Variants in ALAS1 observed in about 807,000 individuals in gnomAD.
The protein encoded by ALAS1 is 5'-aminolevulinate synthase 1.
Under a neutral mutation model 59.6 loss-of-function variants are expected in ALAS1, and 29 were observed. That is an observed-to-expected ratio of 0.49 (90% confidence interval 0.36 to 0.66). The LOEUF (loss-of-function observed/expected upper bound fraction) is 0.66, where lower values mean the gene tolerates loss of function less well. Among genes scored for constraint, ALAS1 ranks in the 30% least tolerant of loss-of-function variants. The pLI, the probability that ALAS1 is intolerant of heterozygous loss-of-function variation, is 0.00. For synonymous variants in ALAS1, 299 were observed against 296.6 expected, an observed-to-expected ratio of 1.01 and a Z score of -0.08; for missense variants, 690 against 807.5, an observed-to-expected ratio of 0.85 and a Z score of 1.76.
intron 6 of ALAS1, 52 bp from the exon 7 acceptor site, chr3:52,205,787 G>A: frequency 2.0e-6 from 3 of 1,528,926 alleles, no homozygotes; most frequent in South Asian, 1.2e-5. Context: ...AATTCACATG[G>A]TGTTGAGAAC....
At chr3:52,213,897 CTTG>C (rs1243653728) in intron 11 of ALAS1, 120 bp from the exon 12 acceptor site, 1 of 887,352 alleles carries the variant, frequency 1.1e-6, no homozygotes, top group Admixed American at 2.8e-5. Context: ...GGTTGTTTCT[CTTG>C]TTAACTATTA....
chr3:52,202,593 C>G lies in ALAS1; in HGVS notation c.286C>G (p.Pro96Ala). ...PDGTQLPSGH[P>A]LPATSQGTAS... ...TGGCACACAGCTTCCGTCTGGACAC[C>G]CCTTGCCTGCCACAAGCCAGGGCAC... Residue 96 changes from proline to alanine, a missense_variant, in exon 4 of 12, where the codon CCC becomes GCC. Physicochemically the swap from Pro to Ala is conservative, Grantham distance 27. Transcript: ENST00000484952. 1 of 1,614,144 alleles carries G rather than the reference C, an allele frequency of 6.2e-7. No individual in the cohort carries two copies. The highest frequency in any genetic ancestry group is 1.6e-4 in the Middle Eastern group (1 of 6,062).
In ALAS1 at chr3:52,198,700, C is replaced by G. The variant is rs1699122324; in HGVS notation, c.-181C>G. ...TGCCCAGTTCTTCCCGCTGTGGGGA[C>G]ACGACCACGGAGGAATCCTTGCTTC... On this transcript the variant is annotated 5_prime_UTR_variant, in exon 2 of 12. Coordinates refer to ENST00000484952, the MANE Select transcript of ALAS1 (RefSeq NM_000688.6). 9.2e-7 allele frequency: 1 copy of G among 1,087,426 alleles called. No individual in the cohort carries two copies. The highest frequency in any genetic ancestry group is 1.3e-6 in the Non-Finnish European group (1 of 742,750). The allele number at this position is 1,087,426 out of a possible 1,614,324, so 67.4% of individuals were successfully genotyped here.
intron 10 of ALAS1, 116 bp downstream of exon 10, chr3:52,211,667 G>C: frequency 6.9e-7 from 1 of 1,441,192 alleles, no homozygotes; most frequent in South Asian, 1.3e-5. Context: ...TGCCAGGGCA[G>C]GGGTTGTAGC....
chr3:52,213,544 A>C (rs1414115268), intron 11 of ALAS1, among the ~76,000 whole-genome samples: 1 of 152,230 alleles, frequency 6.6e-6, no homozygotes, highest in Non-Finnish European at 1.5e-5. Context: ...TATGATTTTT[A>C]AGTACACTCC....
chr3:52,208,357 C>G, intron 9 of ALAS1, 110 bp downstream of exon 9: 2 of 1,221,680 alleles, frequency 1.6e-6, no homozygotes, highest in Middle Eastern at 2.1e-4. Flanking sequence ...GCATATGAAG[C>G]CTGGGCCACT....
intron 9 of ALAS1, among the ~76,000 whole-genome samples, chr3:52,210,379 G>A (rs1246160354): frequency 6.6e-6 from 1 of 152,216 alleles, no homozygotes; most frequent in African/African-American, 2.4e-5. Context: ...GAGGTGTCAG[G>A]TCTGATTGGA....
Position 52,204,926 on chromosome 3 carries a change from C to A in ALAS1, c.800+11C>A. The A allele has an allele frequency of 3.1e-6, 5 of 1,606,256 alleles. No individual in the cohort carries two copies. Among genetic ancestry groups the A allele is most frequent in the Non-Finnish European group, 4.3e-6 (5 of 1,173,418 alleles). The stretch of plus-strand genomic sequence containing the variant: ...GTGTGGGGCAGTTATGTAAGTAGCC[C>A]TTGGCTTTCAAATATTACTGTTGTT... On this transcript the variant is annotated intron_variant, in intron 6 of 11. Coordinates refer to ENST00000484952, the MANE Select transcript of ALAS1 (RefSeq NM_000688.6).
rs144889433 is a variant in ALAS1 at position 52,203,074 on chromosome 3, C to T, written c.427+340C>T. 1.4e-3 allele frequency among the ~76,000 whole-genome samples: 208 copies of T among 152,280 alleles called. 2 individuals carry two copies. Among genetic ancestry groups the T allele is most frequent in the African/African-American group, 4.6e-3 (190 of 41,552 alleles). ...AAGATAGAAAATAATGGTTTTACTGCAGTAAGTGCTGGTCCTAGGGCTCCC... is the reference window on the plus strand; with the variant it reads ...AAGATAGAAAATAATGGTTTTACTGTAGTAAGTGCTGGTCCTAGGGCTCCC... On this transcript the variant is annotated intron_variant, in intron 4 of 11. Transcript: ENST00000484952.
In ALAS1 at chr3:52,204,742, G is replaced by T. The variant is rs753607025; in HGVS notation, c.627G>T (p.Glu209Asp). 1 of 1,614,138 alleles carries T rather than the reference G, an allele frequency of 6.2e-7. No individual in the cohort carries two copies. Among genetic ancestry groups the T allele is most frequent in the Admixed American group, 1.7e-5 (1 of 60,010 alleles). The change falls in exon 6 of 12, where the codon GAG (glutamate) becomes GAT (aspartate). Residue 209 changes from glutamate (E) to aspartate (D), a missense_variant. Coordinates refer to ENST00000484952, the MANE Select transcript of ALAS1 (RefSeq NM_000688.6). ...GTTTCTTTGAGAAAAAAATTGATGA[G>T]AAAAAGAATGACCACACCTATCGAG... Reference protein sequence around the residue: ...YDRFFEKKIDEKKNDHTYRVF... With the variant: ...YDRFFEKKIDDKKNDHTYRVF...
At position 52,199,462 on chromosome 3, in the gene ALAS1, G is replaced by A. The variant is rs774202996; in HGVS notation, c.199+22G>A. 4 of 1,607,478 alleles carry A rather than the reference G, an allele frequency of 2.5e-6. No homozygotes were observed. In the South Asian group the frequency reaches 4.4e-5, roughly 18 times the overall value. ...GAGAGTAAGTGTCATTGACAATGAA[G>A]GAGCAGGTATGGGTGTTTGTGCTCA... On this transcript the variant is annotated intron_variant, in intron 3 of 11. Coordinates refer to ENST00000484952, the MANE Select transcript of ALAS1 (RefSeq NM_000688.6).
intron 4 of ALAS1, 56 bp downstream of exon 4, chr3:52,202,790 TG>T: frequency 6.5e-7 from 1 of 1,534,688 alleles, no homozygotes; most frequent in Non-Finnish European, 8.9e-7. Context: ...TTAGTTCTTT[TG>T]GGCCCTCAGA....
chr3:52,207,027 G>A (rs866766781), intron 8 of ALAS1, among the ~76,000 whole-genome samples: 5 of 139,324 alleles, frequency 3.6e-5, no homozygotes, highest in Admixed American at 7.1e-5. Context: ...TTTTTGAGAC[G>A]GAGTCTCCCT....
At chr3:52,206,294 T>A (rs1218543148) in intron 7 of ALAS1, among the ~76,000 whole-genome samples, 1 of 152,196 alleles carries the variant, frequency 6.6e-6, no homozygotes, top group Non-Finnish European at 1.5e-5. Flanking sequence ...TTTGGAGAAG[T>A]CTCTTAATCA....
chr3:52,204,115 A>C (rs1164414342), intron 5 of ALAS1, 103 bp downstream of exon 5: 26 of 1,206,134 alleles, frequency 2.2e-5, no homozygotes, highest in Non-Finnish European at 2.9e-5. Context: ...ACAGTAGCTC[A>C]TACCTGTAAT....
At chr3:52,199,153 G>T in intron 2 of ALAS1, 57 bp from the exon 3 acceptor site, 1 of 1,550,644 alleles carries the variant, frequency 6.4e-7, no homozygotes, top group East Asian at 2.3e-5. Flanking sequence ...TGAATCCAGT[G>T]AGCTTGCAGT....
At position 52,199,307 on chromosome 3, in the gene ALAS1, A is replaced by C. The variant is rs1162210013; in HGVS notation, c.66A>C (p.Ala22=). Residue 22 remains alanine (A), a synonymous_variant, in exon 3 of 12, where the codon GCA becomes GCC. Coordinates refer to ENST00000484952, the MANE Select transcript of ALAS1 (RefSeq NM_000688.6). Reference sequence around the variant, plus strand: ...TCCCCCAGGCCTTTCTGCAGAAAGCAGGCAAATCTCTGTTGTTCTATGCCC... The same window carrying C: ...TCCCCCAGGCCTTTCTGCAGAAAGCCGGCAAATCTCTGTTGTTCTATGCCC... ...SRVPQAFLQK[A]GKSLLFYAQN... is the part of the protein sequence containing the mutation. The C allele has an allele frequency of 1.2e-6, 2 of 1,614,108 alleles. No individual in the cohort carries two copies. The highest frequency in any genetic ancestry group is 1.7e-6 in the Non-Finnish European group (2 of 1,180,042).
intron 9 of ALAS1, among the ~76,000 whole-genome samples, chr3:52,209,353 A>G (rs1011786307): frequency 2.0e-5 from 3 of 152,158 alleles, no homozygotes; most frequent in African/African-American, 7.2e-5. Flanking sequence ...GACTACAGGC[A>G]CCCGCCACCA....
At chr3:52,203,120 G>A (rs896099085) in intron 4 of ALAS1, among the ~76,000 whole-genome samples, 1 of 152,132 alleles carries the variant, frequency 6.6e-6, no homozygotes, top group Non-Finnish European at 1.5e-5. Context: ...TCTTACTGAT[G>A]GTCATTGAAT....
Sources: gnomAD v4.1 joint callset for allele counts (sites outside exome capture counted in the v4.1 genomes callset) on GRCh38, gnomAD v4.1.1 for gene constraint, MANE v1.5 for transcripts, NCBI Gene and HGNC (gene_info 2026-07-23, HGNC 2026-07-21) for gene names.